RNF144B: variants seen among roughly 807,000 people sequenced by gnomAD.
RNF144B encodes E3 ubiquitin-protein ligase RNF144B.
RNF144B carries 25 observed loss-of-function variants against 40.2 expected under a neutral mutation model. The observed-to-expected ratio is 0.62, with a 90% confidence interval of 0.45 to 0.87. The LOEUF (loss-of-function observed/expected upper bound fraction) is 0.87. RNF144B is among the 40% of genes least tolerant of loss of function. RNF144B has a pLI of 0.00. For synonymous variants in RNF144B, 145 were observed against 136.3 expected (o/e 1.06, Z -0.44); for missense variants, 365 against 373.7 (o/e 0.98, Z 0.19).
rs150365368 is a variant in RNF144B, at chr6:18,405,969, C to A, written c.165+6270C>A. 1 of 503,368 alleles carries A rather than the reference C, an allele frequency of 2.0e-6. No homozygotes were observed. Among genetic ancestry groups the A allele is most frequent in the South Asian group, 1.4e-5 (1 of 69,026 alleles). The allele number at this position is 503,368 out of a possible 1,614,324, so 31.2% of individuals were successfully genotyped here. A position where few individuals can be genotyped will look rare whatever the true frequency, so the allele number is the denominator to read the frequency against. On this transcript the variant is annotated intron_variant, in intron 2 of 7. Transcript: ENST00000259939. This position sits in a 1 kb window ranked among gnomAD's most constrained non-coding sequence, Gnocchi z 4.5. ...TTAGATCTTCTAGTTCCCCCACCCT[C>A]CTAATGAAAGAAGTCATTTTCTGGG... is the stretch of plus-strand genomic sequence containing the variant.
At position 18,460,396 on chromosome 6, in the gene RNF144B, T is replaced by C. The variant is rs1205779006; in HGVS notation, c.681+645T>C. ...CCCATCAGGATAATGTAGGATAATC[T>C]CCTTTATCTCAAGGTTCTTAATTTA... On this transcript the variant is annotated intron_variant, in intron 6 of 7. Transcript: ENST00000259939. The surrounding 1 kb of genome is among the most constrained non-coding windows in gnomAD (Gnocchi z 4.4). Among the ~76,000 whole-genome samples, 1 of 152,182 alleles carries C rather than the reference T, an allele frequency of 6.6e-6. No homozygotes were observed. The highest frequency in any genetic ancestry group is 1.5e-5 in the Non-Finnish European group (1 of 68,028).
chr6:18,395,085 A>G lies in RNF144B; in HGVS notation c.-36-4414A>G, dbSNP rs1367082792. On this transcript the variant is annotated intron_variant, in intron 1 of 7. Transcript: ENST00000259939. The surrounding 1 kb of genome is among the most constrained non-coding windows in gnomAD (Gnocchi z 4.5). ...AAATTCTTTTCACAAGGGGTTCTTG[A>G]CACTCGGTGAGAGGCACAGTCACAT... Among the ~76,000 whole-genome samples the G allele has an allele frequency of 6.6e-6, 1 of 152,230 alleles. No individual in the cohort carries two copies. The highest frequency in any genetic ancestry group is 1.5e-5 in the Non-Finnish European group (1 of 68,046).
intron 4 of RNF144B, among the ~76,000 whole-genome samples, chr6:18,453,300 G>A (rs1759253699): frequency 6.6e-6 from 1 of 151,250 alleles, no homozygotes; most frequent in Non-Finnish European, 1.5e-5. Flanking sequence ...CACCACATCT[G>A]GCTAATTTTT....
rs566482076 is a variant in RNF144B, at chr6:18,398,925, A to G, written c.-36-574A>G. Among the ~76,000 whole-genome samples, 1 of 152,308 alleles carries G rather than the reference A, an allele frequency of 6.6e-6. No homozygotes were observed. Among genetic ancestry groups the G allele is most frequent in the Non-Finnish European group, 1.5e-5 (1 of 68,028 alleles). On this transcript the variant is annotated intron_variant, in intron 1 of 7. Coordinates refer to ENST00000259939, the MANE Select transcript of RNF144B (RefSeq NM_182757.4). The surrounding 1 kb of genome is among the most constrained non-coding windows in gnomAD (Gnocchi z 5.0). ...TTGATTGTAGTGATGCAACTCCTAA[A>G]TATGTTTGCTCATAGTGATATTTCC... is the stretch of plus-strand genomic sequence containing the variant.
intron 2 of RNF144B, among the ~76,000 whole-genome samples, chr6:18,421,325 A>T (rs932201753): frequency 2.0e-5 from 3 of 148,530 alleles, no homozygotes; most frequent in African/African-American, 5.0e-5. Flanking sequence ...CATATATATA[A>T]AATAAAATTA....
rs918958456 is a variant in RNF144B at position 18,447,386 on chromosome 6, G to A, written c.331+7642G>A. 3.4e-5 allele frequency among the ~76,000 whole-genome samples: 5 copies of A among 148,808 alleles called. No homozygotes were observed. The highest frequency in any genetic ancestry group is 1.2e-4 in the African/African-American group (5 of 41,226). Reference sequence around the variant, plus strand: ...GTGAGCAGAGGGGAGAGTTATAGGAGGTAATTTGAAAGTGTTAGTCAAGGG... The same window carrying A: ...GTGAGCAGAGGGGAGAGTTATAGGAAGTAATTTGAAAGTGTTAGTCAAGGG... On this transcript the variant is annotated intron_variant, in intron 4 of 7. Coordinates refer to ENST00000259939, the MANE Select transcript of RNF144B (RefSeq NM_182757.4). This position sits in a 1 kb window ranked among gnomAD's most constrained non-coding sequence, Gnocchi z 5.6.
intron 1 of RNF144B, among the ~76,000 whole-genome samples, chr6:18,397,822 C>T (rs1794723099): frequency 6.6e-6 from 1 of 152,098 alleles, no homozygotes; most frequent in Non-Finnish European, 1.5e-5. Flanking sequence ...GCTTGGTGGC[C>T]TCAGAAGGCT....
At chr6:18,421,438 C>T (rs544835327) in intron 2 of RNF144B, among the ~76,000 whole-genome samples, 2 of 152,192 alleles carry the variant, frequency 1.3e-5, no homozygotes, top group African/African-American at 4.8e-5. Flanking sequence ...GTTCCAATGA[C>T]TAAGTGGTAA....
rs1759617387 is a variant in RNF144B, at chr6:18,468,347, A to C, written c.*3280A>C. 1 of 152,132 alleles carries C rather than the reference A, an allele frequency of 6.6e-6. No individual in the cohort carries two copies. The highest frequency in any genetic ancestry group is 1.5e-5 in the Non-Finnish European group (1 of 68,024). 9.4% of individuals were successfully genotyped at this position (152,132 alleles called of 1,614,324 possible). ...CAAATGTTAGAATCTTAGGCATCCTATTTGTTCATGCCATGGGTATTTGCT... is the reference window on the plus strand; with the variant it reads ...CAAATGTTAGAATCTTAGGCATCCTCTTTGTTCATGCCATGGGTATTTGCT... On this transcript the variant is annotated 3_prime_UTR_variant, in exon 8 of 8. Transcript: ENST00000259939.
chr6:18,427,301 T>C (rs2113498804), intron 2 of RNF144B, among the ~76,000 whole-genome samples: 2 of 152,160 alleles, frequency 1.3e-5, no homozygotes, highest in Middle Eastern at 3.4e-3. Flanking sequence ...GAAAATAGTG[T>C]TTTTTCTTTT....
At chr6:18,409,435 C>G (rs1184873222) in intron 2 of RNF144B, among the ~76,000 whole-genome samples, 1 of 144,288 alleles carries the variant, frequency 6.9e-6, no homozygotes. Flanking sequence ...CTGGGTAGAT[C>G]TCTTTGAACA....
chr6:18,411,077 C>T lies in RNF144B; in HGVS notation c.165+11378C>T, dbSNP rs185292925. Among the ~76,000 whole-genome samples the T allele has an allele frequency of 2.5e-3, 384 of 151,794 alleles. 12 individuals carry two copies. The highest frequency in any genetic ancestry group is 0.023 in the Admixed American group (348 of 15,240). ...TCTGCTCACTGCAACCTCCGCCTCC[C>T]GGGTTCAAGCAGTTCTCCTACCTCA... On this transcript the variant is annotated intron_variant, in intron 2 of 7. Coordinates refer to ENST00000259939, the MANE Select transcript of RNF144B (RefSeq NM_182757.4).
rs183825703 is a variant in RNF144B at position 18,460,626 on chromosome 6, G to A, written c.681+875G>A. 6.1e-4 allele frequency among the ~76,000 whole-genome samples: 92 copies of A among 151,022 alleles called. No individual in the cohort carries two copies. Among genetic ancestry groups the A allele is most frequent in the Non-Finnish European group, 1.1e-3 (77 of 67,696 alleles). On this transcript the variant is annotated intron_variant, in intron 6 of 7. Transcript: ENST00000259939. The surrounding 1 kb of genome is among the most constrained non-coding windows in gnomAD (Gnocchi z 4.4). ...CATGCTCTCTTGCATGCTCTCACTCGCTCTCTCTCTCTCTTGTTCATGAGC... is the reference window on the plus strand; with the variant it reads ...CATGCTCTCTTGCATGCTCTCACTCACTCTCTCTCTCTCTTGTTCATGAGC...
Position 18,432,268 on chromosome 6 carries a change from A to G in RNF144B, c.270+4583A>G, listed in dbSNP as rs1390812208. On this transcript the variant is annotated intron_variant, in intron 3 of 7. Coordinates refer to ENST00000259939, the MANE Select transcript of RNF144B (RefSeq NM_182757.4). ...GTCCTGGAACCAGTGCCCTTCAGAT[A>G]CTGAGGGATGACTCTACTGTTCCCT... Among the ~76,000 whole-genome samples the G allele has an allele frequency of 2.0e-5, 3 of 152,170 alleles. No individual in the cohort carries two copies. In the East Asian group the frequency reaches 5.8e-4, roughly 29 times the overall value.
chr6:18,392,218 C>T (rs933602444), intron 1 of RNF144B, among the ~76,000 whole-genome samples: 2 of 151,456 alleles, frequency 1.3e-5, no homozygotes, highest in South Asian at 2.1e-4. Flanking sequence ...AAAAAAAAAA[C>T]GATGTGCCAG....
chr6:18,459,727 C>G lies in RNF144B; in HGVS notation c.657C>G (p.Cys219Trp). 6.2e-7 allele frequency: 1 copy of G among 1,614,092 alleles called. No homozygotes were observed. The highest frequency in any genetic ancestry group is 8.5e-7 in the Non-Finnish European group (1 of 1,179,914). Reference protein sequence around the residue: ...MMCKNCKHTFCWYCLQNLDND... With the variant: ...MMCKNCKHTFWWYCLQNLDND... The stretch of plus-strand genomic sequence containing the variant: ...GCAAAAACTGCAAGCATACATTTTG[C>G]TGGTACTGCCTCCAGAACTTGGATG... The change falls in exon 6 of 8, where the codon TGC becomes TGG. Residue 219 changes from cysteine to tryptophan, a missense_variant. Physicochemically the swap from Cys to Trp is radical, Grantham distance 215. Coordinates refer to ENST00000259939, the MANE Select transcript of RNF144B (RefSeq NM_182757.4). This position sits in a 1 kb window ranked among gnomAD's most constrained non-coding sequence, Gnocchi z 4.2.
At chr6:18,417,411 A>G (rs1460087098) in intron 2 of RNF144B, among the ~76,000 whole-genome samples, 2 of 152,178 alleles carry the variant, frequency 1.3e-5, no homozygotes, top group African/African-American at 2.4e-5. Context: ...GAGTCCATAA[A>G]TAAATAAATA....
chr6:18,429,280 TTGTGTGTGTGTGCAGACACACATGTAGA>T (rs1044333939), intron 3 of RNF144B, among the ~76,000 whole-genome samples: 2 of 151,790 alleles, frequency 1.3e-5, no homozygotes, highest in Non-Finnish European at 2.9e-5. Context: ...GAAGCTCAAT[TTGTGTGTGTGTGCAGACACACATGTAGA>T]TGTGTGTGTG....
intron 3 of RNF144B, among the ~76,000 whole-genome samples, chr6:18,431,639 T>A (rs1758698473): frequency 6.6e-6 from 1 of 152,252 alleles, no homozygotes; most frequent in Non-Finnish European, 1.5e-5. Flanking sequence ...AAATATACTT[T>A]GCTTGTTAAA....
Sources: allele counts gnomAD v4.1 joint callset (sites outside exome capture counted in the v4.1 genomes callset), GRCh38; gene constraint gnomAD v4.1.1; non-coding constraint Gnocchi (gnomAD v3.1); transcripts MANE v1.5; gene names NCBI Gene and HGNC (gene_info 2026-07-23, HGNC 2026-07-21).